Variants in HGSNAT observed in about 807,000 individuals in gnomAD.
The protein encoded by HGSNAT is heparan-alpha-glucosaminide N-acetyltransferase, also known as transmembrane protein 76.
In HGSNAT, 59 loss-of-function variants were observed where a neutral mutation model predicts 85.2. The ratio of observed to expected loss-of-function variants is 0.69; its 90% CI spans 0.56 to 0.86. The LOEUF (loss-of-function observed/expected upper bound fraction) is 0.86. Ranked by LOEUF, HGSNAT falls within the 40% of genes least tolerant of loss-of-function variation. The pLI is 0.00. For missense variants in HGSNAT, 756 were observed against 777.1 expected (o/e 0.97, Z 0.32); for synonymous variants, 321 against 304.5 (o/e 1.05, Z -0.56).
In HGSNAT at chr8:43,182,037, C is replaced by T. The variant is rs1378913017; in HGVS notation, c.1013-108C>T. The T allele has an allele frequency of 4.8e-6, 4 of 829,568 alleles. No homozygotes were observed. In the African/African-American group the frequency reaches 6.7e-5, roughly 14 times the overall value. The allele number at this position is 829,568 out of a possible 1,614,324, so 51.4% of individuals were successfully genotyped here. Reference sequence around the variant, plus strand: ...TGTCCAAGAGCTTAAAAAAGACTTACTTAGATGCAATATAGGTATGTCTTC... The same window carrying T: ...TGTCCAAGAGCTTAAAAAAGACTTATTTAGATGCAATATAGGTATGTCTTC... On this transcript the variant is annotated intron_variant, in intron 10 of 17. Coordinates refer to ENST00000379644, the MANE Select transcript of HGSNAT (RefSeq NM_152419.3).
rs75686719 is a variant in HGSNAT, at chr8:43,181,825, G to A, written c.1013-320G>A. 4.1e-3 allele frequency: 1,266 copies of A among 309,740 alleles called. 9 individuals carry two copies. The highest frequency in any genetic ancestry group is 6.2e-3 in the Non-Finnish European group (1,037 of 167,178). The allele number at this position is 309,740 out of a possible 1,614,324, so 19.2% of individuals were successfully genotyped here. Reference sequence around the variant, plus strand: ...TCCTAATAGGAAAGAGCCAGGGTCAGGCACAGGCCTGGCTTTATCCCCACA... The same window carrying A: ...TCCTAATAGGAAAGAGCCAGGGTCAAGCACAGGCCTGGCTTTATCCCCACA... On this transcript the variant is annotated intron_variant, in intron 10 of 17. Transcript: ENST00000379644.
Position 43,197,903 on chromosome 8 carries a change from A to C in HGSNAT, c.1677A>C (p.Pro559=). 1 of 1,613,914 alleles carries C rather than the reference A, an allele frequency of 6.2e-7. No homozygotes were observed. ...TCTTCATCCTGCTGGTCCTGTACCC[A>C]GTTGTGGATGTGAAGGGGCTGTGGA... ...FAFFILLVLY[P]VVDVKGLWTG... Residue 559 remains proline (P), a synonymous_variant, in exon 17 of 18, where the codon CCA becomes CCC. Transcript: ENST00000379644.
chr8:43,179,464 CCGGA>C (rs1803955300), intron 10 of HGSNAT, among the ~76,000 whole-genome samples: 1 of 117,744 alleles, frequency 8.5e-6, no homozygotes, highest in African/African-American at 3.5e-5. Context: ...CCCTCACCTC[CCGGA>C]CGGGGCGGCC....
At chr8:43,151,546 A>G (rs997165630) in intron 2 of HGSNAT, among the ~76,000 whole-genome samples, 1 of 152,262 alleles carries the variant, frequency 6.6e-6, no homozygotes, top group African/African-American at 2.4e-5. Context: ...TTCGTTTCAC[A>G]AAACACTCAT....
chr8:43,171,674 T>C (rs755737613), intron 7 of HGSNAT, among the ~76,000 whole-genome samples: 1 of 152,178 alleles, frequency 6.6e-6, no homozygotes, highest in Non-Finnish European at 1.5e-5. Context: ...ACATCCGGAA[T>C]CTATTACTCT....
chr8:43,178,004 A>T, intron 9 of HGSNAT, 70 bp from the exon 10 acceptor site: 1 of 1,216,330 alleles, frequency 8.2e-7, no homozygotes, highest in South Asian at 1.2e-5. Flanking sequence ...ATAGCATATT[A>T]TAAAATGTTA....
At chr8:43,182,063 C>T in intron 10 of HGSNAT, 82 bp from the exon 11 acceptor site, 1 of 1,034,870 alleles carries the variant, frequency 9.7e-7, no homozygotes, top group Non-Finnish European at 1.5e-6. Context: ...GTATGTCTTC[C>T]CCTTTAGGAA....
intron 5 of HGSNAT, among the ~76,000 whole-genome samples, chr8:43,166,959 A>G (rs186895290): frequency 2.6e-5 from 4 of 152,328 alleles, no homozygotes; most frequent in Middle Eastern, 6.8e-3. Flanking sequence ...GCCCTCATGG[A>G]TGACTCGGGG....
chr8:43,157,195 A>AT (rs1458622132), intron 2 of HGSNAT, among the ~76,000 whole-genome samples: 2 of 152,230 alleles, frequency 1.3e-5, no homozygotes, highest in East Asian at 3.8e-4. Flanking sequence ...GGAACTTGGT[A>AT]TGTAAACAGT....
At chr8:43,191,338 A>G in intron 11 of HGSNAT, 136 bp from the exon 12 acceptor site, 1 of 976,454 alleles carries the variant, frequency 1.0e-6, no homozygotes, top group Middle Eastern at 2.2e-4. Flanking sequence ...GGAGAACCTA[A>G]CGTAGTCAGT....
Position 43,182,176 on chromosome 8 carries a change from G to A in HGSNAT, c.1044G>A (p.Val348=), listed in dbSNP as rs374020825. 1.9e-5 allele frequency: 30 copies of A among 1,614,014 alleles called. No homozygotes were observed. Among genetic ancestry groups the A allele is most frequent in the Middle Eastern group, 3.3e-4 (2 of 6,060 alleles). ...LSWDKVRIPG[V]LQRLGVTYFV... ...GGGACAAGGTGCGCATTCCTGGTGT[G>A]CTGCAGCGATTGGGAGTGACATACT... Residue 348 remains valine, a synonymous_variant, in exon 11 of 18, where the codon GTG becomes GTA. Coordinates refer to ENST00000379644, the MANE Select transcript of HGSNAT (RefSeq NM_152419.3).
intron 8 of HGSNAT, 65 bp from the exon 9 acceptor site, chr8:43,173,648 C>G: frequency 6.5e-7 from 1 of 1,539,924 alleles, no homozygotes; most frequent in Non-Finnish European, 8.9e-7. Flanking sequence ...ATGAAGTCCA[C>G]ACTAGATTTA....
chr8:43,176,955 G>C (rs1278784518), intron 9 of HGSNAT, among the ~76,000 whole-genome samples: 2 of 152,294 alleles, frequency 1.3e-5, no homozygotes, highest in Non-Finnish European at 2.9e-5. Context: ...GTGGAGTCTA[G>C]GTTTTTCCAA....
At chr8:43,191,703 T>C in intron 12 of HGSNAT, 108 bp downstream of exon 12, 1 of 1,385,342 alleles carries the variant, frequency 7.2e-7, no homozygotes, top group Admixed American at 2.0e-5. Context: ...TCCCTCTTCC[T>C]TCTCCTTTGA....
chr8:43,164,880 T>C (rs927885531), intron 5 of HGSNAT, among the ~76,000 whole-genome samples: 4 of 151,918 alleles, frequency 2.6e-5, no homozygotes, highest in Admixed American at 1.3e-4. Context: ...ATTTCAATAT[T>C]GTTGTATCTG....
At chr8:43,163,354 G>A (rs771150751) in intron 5 of HGSNAT, among the ~76,000 whole-genome samples, 5 of 151,934 alleles carry the variant, frequency 3.3e-5, no homozygotes, top group African/African-American at 7.3e-5. Flanking sequence ...TTGCCCCCTC[G>A]CTTTCCAACA....
chr8:43,192,789 A>AG lies in HGSNAT; in HGVS notation c.1377+360dup, dbSNP rs1429036613. On this transcript the variant is annotated intron_variant, in intron 13 of 17. Transcript: ENST00000379644. The stretch of plus-strand genomic sequence containing the variant: ...AAAAAAAACAAAAAACAAAAAAAAA[A>AG]GCAAGTGAGAATGCATTGTGTAAAT... 2.0e-5 allele frequency among the ~76,000 whole-genome samples: 3 copies of AG among 152,246 alleles called. No individual in the cohort carries two copies. The East Asian group carries it at 5.8e-4, about 29-fold the overall frequency.
rs1804642019 is a variant in HGSNAT, at chr8:43,194,450, G to A, written c.1464+607G>A. The A allele has an allele frequency of 3.0e-6, 3 of 985,416 alleles. No individual in the cohort carries two copies. In the South Asian group the frequency reaches 1.4e-4, roughly 46 times the overall value. 61.0% of individuals were successfully genotyped at this position (985,416 alleles called of 1,614,324 possible). A position where few individuals can be genotyped will look rare whatever the true frequency, so the allele number is the denominator to read the frequency against. ...GAGTGTGCAGAGTGTGTGGGTATTG[G>A]TAACATTGGGAAGTCACTGTGTCAT... On this transcript the variant is annotated intron_variant, in intron 14 of 17. Coordinates refer to ENST00000379644, the MANE Select transcript of HGSNAT (RefSeq NM_152419.3).
chr8:43,147,105 T>C (rs1356276867), intron 2 of HGSNAT, 42 bp downstream of exon 2: 1 of 1,150,870 alleles, frequency 8.7e-7, no homozygotes, highest in South Asian at 1.4e-5. Context: ...CTTTGGGGCT[T>C]GTTTGATATG....
Sources: gnomAD v4.1 joint callset for allele counts (sites outside exome capture counted in the v4.1 genomes callset) on GRCh38, gnomAD v4.1.1 for gene constraint, MANE v1.5 for transcripts, NCBI Gene and HGNC (gene_info 2026-07-23, HGNC 2026-07-21) for gene names.